ESRRG: variants seen among roughly 807,000 people sequenced by gnomAD.
ESRRG encodes estrogen-related receptor gamma.
In ESRRG, 13 loss-of-function variants were observed where a neutral mutation model predicts 44.0. That is an observed-to-expected ratio of 0.30 (90% CI 0.19 to 0.47). The LOEUF (loss-of-function observed/expected upper bound fraction) is 0.47, where lower values mean the gene tolerates loss of function less well. Among genes scored for constraint, ESRRG ranks in the 20% least tolerant of loss-of-function variants. The pLI is 1.00. For synonymous variants in ESRRG, 215 were observed against 214.6 expected (o/e 1.00, Z -0.02); for missense variants, 395 against 580.6 (o/e 0.68, Z 3.29).
chr1:216,880,764 T>C (rs1394610352), intron 2 of ESRRG, among the ~76,000 whole-genome samples: 1 of 152,168 alleles, frequency 6.6e-6, no homozygotes, highest in Non-Finnish European at 1.5e-5. Flanking sequence ...TTAAGGAATA[T>C]GAGGTATGAA....
intron 5 of ESRRG, among the ~76,000 whole-genome samples, chr1:216,532,264 G>C (rs2049603554): frequency 6.6e-6 from 1 of 152,070 alleles, no homozygotes; most frequent in Non-Finnish European, 1.5e-5. Context: ...AGATGCCATG[G>C]ATTACAGTGT....
intron 2 of ESRRG, chr1:216,863,309 A>G (rs750257583): frequency 6.6e-6 from 1 of 152,166 alleles, no homozygotes; most frequent in Non-Finnish European, 1.5e-5. Context: ...AAAATAGAGA[A>G]ATTATAGCAT....
intron 2 of ESRRG, among the ~76,000 whole-genome samples, chr1:216,929,856 C>T (rs1041534132): frequency 6.6e-6 from 1 of 152,152 alleles, no homozygotes; most frequent in African/African-American, 2.4e-5. Context: ...CATCTGTGAT[C>T]CCTTTCCAAG....
intron 2 of ESRRG, among the ~76,000 whole-genome samples, chr1:216,932,392 A>C (rs746654418): frequency 6.6e-6 from 1 of 152,216 alleles, no homozygotes; most frequent in Non-Finnish European, 1.5e-5. Context: ...ATAAAATTGT[A>C]AAAGATCTTC....
intron 5 of ESRRG, among the ~76,000 whole-genome samples, chr1:216,519,826 A>C (rs1409147760): frequency 6.6e-6 from 1 of 151,112 alleles, no homozygotes; most frequent in Non-Finnish European, 1.5e-5. Flanking sequence ...AAAAAAAAAA[A>C]AAGAAGAAGA....
intron 2 of ESRRG, among the ~76,000 whole-genome samples, chr1:216,829,268 A>C (rs2148714622): frequency 6.6e-6 from 1 of 152,180 alleles, no homozygotes; most frequent in East Asian, 1.9e-4. Context: ...CATTTACAGC[A>C]AGAAATCTTT....
At chr1:216,976,830 CAAAG>C (rs1298139460) in intron 1 of ESRRG, among the ~76,000 whole-genome samples, 7 of 151,992 alleles carry the variant, frequency 4.6e-5, no homozygotes, top group Non-Finnish European at 8.8e-5. Context: ...GAAGGAAAAA[CAAAG>C]AGAGAGAGTT....
At chr1:216,823,784 T>C (rs2148650280) in intron 2 of ESRRG, among the ~76,000 whole-genome samples, 1 of 152,300 alleles carries the variant, frequency 6.6e-6, no homozygotes, top group East Asian at 1.9e-4. Context: ...TAGACTAAAA[T>C]AGTTTCTCAG....
chr1:216,557,011 T>A (rs1467175394), intron 5 of ESRRG, among the ~76,000 whole-genome samples: 2 of 152,156 alleles, frequency 1.3e-5, no homozygotes, highest in African/African-American at 2.4e-5. Context: ...CCAATTTACC[T>A]ATAACTTTCA....
chr1:216,719,470 A>G (rs1454363734), intron 1 of ESRRG, among the ~76,000 whole-genome samples: 1 of 152,024 alleles, frequency 6.6e-6, no homozygotes, highest in East Asian at 1.9e-4. Flanking sequence ...GATCTGAAAA[A>G]TTTAGAGTTA....
chr1:217,093,628 G>GA (rs1170602875), upstream of ESRRG, among the ~76,000 whole-genome samples: 2 of 151,932 alleles, frequency 1.3e-5, no homozygotes, highest in East Asian at 1.9e-4. Flanking sequence ...GCAAGAAATA[G>GA]AAAAAATCAG....
intron 5 of ESRRG, 125 bp downstream of exon 5, chr1:216,564,094 A>T: frequency 2.0e-6 from 1 of 512,092 alleles, no homozygotes. Flanking sequence ...AATTATGATT[A>T]AAAATAAATG....
chr1:216,688,567 G>A (rs2078460623), intron 1 of ESRRG, among the ~76,000 whole-genome samples: 1 of 152,072 alleles, frequency 6.6e-6, no homozygotes, highest in African/African-American at 2.4e-5. Flanking sequence ...GTGAGAAATT[G>A]AATATTACAG....
intron 2 of ESRRG, among the ~76,000 whole-genome samples, chr1:216,883,386 GAAAAAAAAAAAA>G (rs11318094): frequency 0.02 from 1,508 of 75,876 alleles, 45 homozygotes; most frequent in African/African-American, 0.061. Flanking sequence ...ACTTCTCTGA[GAAAAAAAAAAAA>G]AAAAAAAAAA....
At chr1:216,757,898 A>G (rs1174446482) in intron 2 of ESRRG, among the ~76,000 whole-genome samples, 5 of 152,108 alleles carry the variant, frequency 3.3e-5, no homozygotes, top group Non-Finnish European at 7.4e-5. Flanking sequence ...TTGAACTAAT[A>G]GATAGTACTC....
At chr1:216,995,110 C>T (rs1319852020) in intron 1 of ESRRG, among the ~76,000 whole-genome samples, 4 of 152,198 alleles carry the variant, frequency 2.6e-5, no homozygotes, top group African/African-American at 7.2e-5. Flanking sequence ...GAAATAGAAC[C>T]TTTCCTCAGG....
intron 1 of ESRRG, among the ~76,000 whole-genome samples, chr1:217,004,476 G>T (rs574823677): frequency 6.6e-6 from 1 of 152,234 alleles, no homozygotes; most frequent in East Asian, 1.9e-4. Flanking sequence ...TTTGCCTTCT[G>T]CCATGATTGA....
At chr1:216,532,590 G>A (rs2049715146) in intron 5 of ESRRG, among the ~76,000 whole-genome samples, 1 of 152,194 alleles carries the variant, frequency 6.6e-6, no homozygotes, top group Admixed American at 6.5e-5. Context: ...AGAATGACAA[G>A]TGTTTTACAG....
intron 2 of ESRRG, among the ~76,000 whole-genome samples, chr1:216,739,632 G>A (rs2090414173): frequency 6.6e-6 from 1 of 152,198 alleles, no homozygotes; most frequent in Non-Finnish European, 1.5e-5. Flanking sequence ...TCAGCAATCT[G>A]TGCTTTATCA....
Sources: gnomAD v4.1 joint callset for allele counts (sites outside exome capture counted in the v4.1 genomes callset) on GRCh38, gnomAD v4.1.1 for gene constraint, MANE v1.5 for transcripts, NCBI Gene and HGNC (gene_info 2026-07-23, HGNC 2026-07-21) for gene names.